Variants in PARG observed in about 807,000 individuals in gnomAD.
PARG encodes poly(ADP-ribose) glycohydrolase.
A neutral mutation model predicts 113.0 loss-of-function variants in PARG; 35 were observed. The ratio of observed to expected loss-of-function variants is 0.31; its 90% CI spans 0.24 to 0.41. PARG has a LOEUF of 0.41. PARG is among the 10% of genes least tolerant of loss of function. The pLI is 1.00. For synonymous variants in PARG, 330 were observed against 409.9 expected (o/e 0.81, Z 2.36); for missense variants, 797 against 1,169.4 (o/e 0.68, Z 4.64).
rs1554837493 is a variant in PARG, at chr10:49,869,476, T to C, written c.2068A>G (p.Lys690Glu). 2.6e-6 allele frequency: 2 copies of C among 779,970 alleles called. No homozygotes were observed. Among genetic ancestry groups the C allele is most frequent in the Admixed American group, 2.0e-5 (1 of 49,040 alleles). The allele number at this position is 779,970 out of a possible 1,614,324, so 48.3% of individuals were successfully genotyped here. The change falls in exon 10 of 18, where the codon AAA becomes GAA. Residue 690 changes from lysine to glutamate, a missense_variant and splice_region_variant. Physicochemically the swap from Lys to Glu is moderately conservative, Grantham distance 56 (BLOSUM62 1). Around this residue, in one of 5 missense-constraint regions of PARG, gnomAD observed 40 missense variants for 124.5 expected, o/e 0.32. Transcript: ENST00000616448. ...FCYFRRVTEK[K>E]PTGLVTFTRQ... ...TACAGTAAGAATGAAAGGAATTTAC[T>C]TTTCTCTGTGACTCTTCTAAAGTAG...
At position 49,933,902 on chromosome 10, in the gene PARG, A is replaced by G. The variant is rs1838616634; in HGVS notation, c.546T>C (p.Phe182=). The change falls in exon 3 of 18, where the codon TTT becomes TTC. Residue 182 remains phenylalanine (F), a synonymous_variant. Coordinates refer to ENST00000616448, the MANE Select transcript of PARG (RefSeq NM_003631.5). The stretch of plus-strand genomic sequence containing the variant: ...GTGACCGATCAATGTTAGCATTACT[A>G]AACTGCTCTGGTACCAGGGTTACTG... ...PQTVTLVPEQ[F]SNANIDRSPQ... is the part of the protein sequence containing the mutation. 7 of 1,601,828 alleles carry G rather than the reference A, an allele frequency of 4.4e-6. No homozygotes were observed. The African/African-American group carries it at 8.0e-5, about 18-fold the overall frequency.
At chr10:49,851,804 A>G (rs1293655999) in intron 13 of PARG, among the ~76,000 whole-genome samples, 2 of 151,232 alleles carry the variant, frequency 1.3e-5, no homozygotes, top group Non-Finnish European at 3.0e-5. Context: ...AAAAAGAAGA[A>G]ATGGGAAGAT....
At chr10:49,882,827 A>G (rs1175469576) in intron 8 of PARG, among the ~76,000 whole-genome samples, 2 of 142,060 alleles carry the variant, frequency 1.4e-5, no homozygotes, top group East Asian at 2.0e-4. Flanking sequence ...AGAGATATAT[A>G]ATGACAAGAA....
intron 13 of PARG, among the ~76,000 whole-genome samples, chr10:49,844,165 A>G (rs1462983842): frequency 3.9e-5 from 6 of 152,124 alleles, no homozygotes; most frequent in African/African-American, 1.4e-4. Flanking sequence ...AAAGAAAAGA[A>G]AAGAAAGGGG....
At chr10:49,822,127 A>C (rs570484958) in intron 16 of PARG, among the ~76,000 whole-genome samples, 1 of 152,344 alleles carries the variant, frequency 6.6e-6, no homozygotes, top group Non-Finnish European at 1.5e-5. Flanking sequence ...GGAGGGACAC[A>C]CAAAAATGGA....
At chr10:49,903,772 TCAGG>T (rs1848450128) in intron 7 of PARG, among the ~76,000 whole-genome samples, 2 of 150,904 alleles carry the variant, frequency 1.3e-5, no homozygotes, top group Non-Finnish European at 3.0e-5. Flanking sequence ...CATTAGACCA[TCAGG>T]TTTCAAGCAG....
intron 15 of PARG, chr10:49,833,163 A>T (rs1844755190): frequency 4.2e-6 from 1 of 238,008 alleles, no homozygotes; most frequent in Non-Finnish European, 8.0e-6. Flanking sequence ...AAAATCCCTT[A>T]AACTAATACA....
chr10:49,929,937 G>C, intron 4 of PARG, among the ~76,000 whole-genome samples: 1 of 150,524 alleles, frequency 6.6e-6, no homozygotes, highest in South Asian at 2.1e-4. Flanking sequence ...GTAGGAGTTA[G>C]GGATGAGAGT....
chr10:49,819,166 G>A lies in PARG; in HGVS notation c.*174C>T. ...GTCCACGTGAGTCAGGATGGAGGGA[G>A]TTTAGATGTACCAACTGACAACTGC... is the stretch of plus-strand genomic sequence containing the variant. On this transcript the variant is annotated 3_prime_UTR_variant, in exon 18 of 18. Transcript: ENST00000616448. The A allele has an allele frequency of 3.8e-6, 2 of 531,224 alleles. No homozygotes were observed. Among genetic ancestry groups the A allele is most frequent in the South Asian group, 3.2e-5 (1 of 31,546 alleles). The allele number at this position is 531,224 out of a possible 1,614,324, so 32.9% of individuals were successfully genotyped here. A position where few individuals can be genotyped will look rare whatever the true frequency, so the allele number is the denominator to read the frequency against.
chr10:49,896,607 A>G (rs1399211644), intron 7 of PARG, among the ~76,000 whole-genome samples: 3 of 152,152 alleles, frequency 2.0e-5, no homozygotes, highest in African/African-American at 7.2e-5. Flanking sequence ...TTCACTCTGA[A>G]TGGTTACTAA....
At chr10:49,908,849 C>T (rs1227219172) in intron 7 of PARG, among the ~76,000 whole-genome samples, 5 of 152,110 alleles carry the variant, frequency 3.3e-5, no homozygotes, top group Non-Finnish European at 7.4e-5. Flanking sequence ...TACTGAATAA[C>T]GAAATCTGTT....
chr10:49,835,457 C>A (rs968720872), intron 15 of PARG, among the ~76,000 whole-genome samples: 7 of 151,948 alleles, frequency 4.6e-5, no homozygotes, highest in Non-Finnish European at 7.4e-5. Flanking sequence ...AATGAACAAC[C>A]CTCTCTTGGA....
chr10:49,895,805 G>A (rs544143945), intron 7 of PARG, among the ~76,000 whole-genome samples: 11 of 151,894 alleles, frequency 7.2e-5, no homozygotes, highest in Admixed American at 3.9e-4. Context: ...AATGTTTTAC[G>A]GTCTTCAAGA....
At chr10:49,937,421 A>C (rs1225430450) in intron 1 of PARG, among the ~76,000 whole-genome samples, 12 of 151,528 alleles carry the variant, frequency 7.9e-5, no homozygotes, top group African/African-American at 2.9e-4. Flanking sequence ...GCTTGCAGTG[A>C]GCGGAGATCG....
Position 49,932,209 on chromosome 10 carries a change from G to A in PARG, c.1346C>T (p.Pro449Leu), listed in dbSNP as rs1838525573. The stretch of plus-strand genomic sequence containing the variant: ...GGGAGTTCCAAGCCACTTCTTATCT[G>A]GAGAAAGGTGAGGTGGAACGTATTT... ...IPKYVPPHLSPDKKWLGTPIE... is the reference protein window; with the variant it reads ...IPKYVPPHLSLDKKWLGTPIE... The change falls in exon 4 of 18, where the codon CCA (proline) becomes CTA (leucine). Residue 449 changes from proline (P) to leucine (L), a missense_variant. This residue lies in a region of PARG where 252 missense variants were observed against 437.4 expected (regional missense o/e 0.58). Coordinates refer to ENST00000616448, the MANE Select transcript of PARG (RefSeq NM_003631.5). 2.5e-6 allele frequency: 4 copies of A among 1,599,944 alleles called. No individual in the cohort carries two copies. The Admixed American group carries it at 5.0e-5, about 20-fold the overall frequency.
intron 16 of PARG, among the ~76,000 whole-genome samples, chr10:49,827,551 C>T (rs1361436874): frequency 6.6e-6 from 1 of 152,172 alleles, no homozygotes; most frequent in Non-Finnish European, 1.5e-5. Context: ...AATACCACAG[C>T]TTCAGGCTGC....
intron 6 of PARG, among the ~76,000 whole-genome samples, chr10:49,921,510 A>T (rs1270128825): frequency 1.3e-5 from 2 of 152,088 alleles, no homozygotes; most frequent in Non-Finnish European, 2.9e-5. Flanking sequence ...ATGATATAAC[A>T]TATCAATGTT....
intron 1 of PARG, among the ~76,000 whole-genome samples, chr10:49,938,519 GTC>G: frequency 1.3e-5 from 2 of 152,246 alleles, no homozygotes; most frequent in African/African-American, 4.8e-5. Flanking sequence ...TTCACAAAAA[GTC>G]TATAGCAACA....
chr10:49,835,025 G>C (rs1472772133), intron 15 of PARG, among the ~76,000 whole-genome samples: 1 of 152,138 alleles, frequency 6.6e-6, no homozygotes, highest in Non-Finnish European at 1.5e-5. Flanking sequence ...AGTCAGCCCA[G>C]GCTTCTCCCT....
Sources: allele counts gnomAD v4.1 joint callset (sites outside exome capture counted in the v4.1 genomes callset), GRCh38; gene constraint gnomAD v4.1.1; regional missense constraint gnomAD v4.1.1; transcripts MANE v1.5; gene names NCBI Gene and HGNC (gene_info 2026-07-23, HGNC 2026-07-21).